The following ATP2B1 variants were observed in gnomAD, a reference collection of about 807,000 sequenced individuals.
ATP2B1 encodes ATPase plasma membrane Ca2+ transporting 1, also known as plasma membrane calcium-transporting ATPase 1.
ATP2B1 carries 14 observed loss-of-function variants against 124.2 expected under a neutral mutation model. The ratio of observed to expected loss-of-function variants is 0.11; its 90% CI spans 0.07 to 0.18. The LOEUF is 0.18. ATP2B1 is among the 10% of genes least tolerant of loss of function. ATP2B1 has a pLI of 1.00. For missense variants in ATP2B1, 763 were observed against 1,466.1 expected, an observed-to-expected ratio of 0.52 and a Z score of 7.83; for synonymous variants, 449 against 492.4, an observed-to-expected ratio of 0.91 and a Z score of 1.17.
intron 5 of ATP2B1, 99 bp from the exon 6 acceptor site, chr12:89,630,744 C>T: frequency 2.4e-6 from 1 of 420,952 alleles, no homozygotes. Context: ...ACAGCCTCAA[C>T]ATTTAGGAAA....
chr12:89,697,982 C>T (rs1403290604), intron 1 of ATP2B1, among the ~76,000 whole-genome samples: 1 of 152,064 alleles, frequency 6.6e-6, no homozygotes, highest in Non-Finnish European at 1.5e-5. Flanking sequence ...AAACAATTCT[C>T]CTGCCTCAGC....
At chr12:89,602,708 T>G (rs1565804084) in intron 18 of ATP2B1, among the ~76,000 whole-genome samples, 1 of 152,134 alleles carries the variant, frequency 6.6e-6, no homozygotes, top group Non-Finnish European at 1.5e-5. Context: ...AACCTGATCT[T>G]TTTTTTGGTA....
chr12:89,687,335 GCAATA>G (rs2136691815), intron 1 of ATP2B1, among the ~76,000 whole-genome samples: 1 of 152,224 alleles, frequency 6.6e-6, no homozygotes, highest in Admixed American at 6.5e-5. Flanking sequence ...CAGCCTAGAA[GCAATA>G]GGCTATGCCA....
chr12:89,655,611 C>G, intron 2 of ATP2B1, 68 bp downstream of exon 2: 1 of 1,438,980 alleles, frequency 6.9e-7, no homozygotes, highest in Non-Finnish European at 9.7e-7. Flanking sequence ...TATAAGCATG[C>G]TCATTTATAA....
At chr12:89,665,552 A>T (rs913693164) in intron 1 of ATP2B1, among the ~76,000 whole-genome samples, 1 of 152,212 alleles carries the variant, frequency 6.6e-6, no homozygotes, top group Non-Finnish European at 1.5e-5. Flanking sequence ...AAATAAAGTT[A>T]ATTTTATATA....
At position 89,656,116 on chromosome 12, in the gene ATP2B1, A is replaced by C. The variant is rs1332932677; in HGVS notation, c.-221-9T>G. ...TCATGAGATATACACATCTGTAAGA[A>C]GAAAATATTTAAAAGTTAATAAAAT... On this transcript the variant is annotated splice_polypyrimidine_tract_variant and intron_variant, in intron 1 of 20. Coordinates refer to ENST00000428670, the MANE Select transcript of ATP2B1 (RefSeq NM_001366521.1). 23 of 437,960 alleles carry C rather than the reference A, an allele frequency of 5.3e-5. No homozygotes were observed. The highest frequency in any genetic ancestry group is 3.8e-5 in the Admixed American group (1 of 26,084). The allele number at this position is 437,960 out of a possible 1,614,324, so 27.1% of individuals were successfully genotyped here. A position where few individuals can be genotyped will look rare whatever the true frequency, so the allele number is the denominator to read the frequency against.
At position 89,610,459 on chromosome 12, in the gene ATP2B1, G is replaced by C. The variant is rs1877787233; in HGVS notation, c.2297C>G (p.Ala766Gly). 3 of 1,613,800 alleles carry C rather than the reference G, an allele frequency of 1.9e-6. No homozygotes were observed. Among genetic ancestry groups the C allele is most frequent in the Non-Finnish European group, 2.5e-6 (3 of 1,179,762 alleles). Reference sequence around the variant, plus strand: ...ATGCTTATCAGTAGGAGATGATCTTGCAAGTACTCGAAGTTTTGGCCAAAT... The same window carrying C: ...ATGCTTATCAGTAGGAGATGATCTTCCAAGTACTCGAAGTTTTGGCCAAAT... Reference protein sequence around the residue: ...DKIWPKLRVLARSSPTDKHTL... With the variant: ...DKIWPKLRVLGRSSPTDKHTL... The change falls in exon 14 of 21, where the codon GCA becomes GGA. Residue 766 changes from alanine (A) to glycine (G), a missense_variant. Ala to Gly is a moderately conservative substitution (Grantham distance 60). Around this residue, in one of 7 missense-constraint regions of ATP2B1, gnomAD observed 51 missense variants for 192.8 expected, o/e 0.26. Transcript: ENST00000428670.
At chr12:89,648,821 C>T (rs571280133) in intron 2 of ATP2B1, among the ~76,000 whole-genome samples, 2 of 152,248 alleles carry the variant, frequency 1.3e-5, no homozygotes, top group Non-Finnish European at 2.9e-5. Context: ...GCCCAGGGTG[C>T]AGCTGTCCTG....
chr12:89,619,312 T>G (rs2681492), intron 11 of ATP2B1, among the ~76,000 whole-genome samples: 2 of 151,988 alleles, frequency 1.3e-5, no homozygotes, highest in South Asian at 2.1e-4. Flanking sequence ...ACAATGAGCG[T>G]TGAAGATCTA....
chr12:89,616,049 C>T (rs1878899682), intron 12 of ATP2B1, among the ~76,000 whole-genome samples: 1 of 152,088 alleles, frequency 6.6e-6, no homozygotes, highest in African/African-American at 2.4e-5. Flanking sequence ...GTTCTCTGCT[C>T]ATATAACATG....
In ATP2B1 at chr12:89,591,099, G is replaced by C; in HGVS notation, c.3548C>G (p.Pro1183Arg). 7 of 1,613,142 alleles carry C rather than the reference G, an allele frequency of 4.3e-6. No individual in the cohort carries two copies. Among genetic ancestry groups the C allele is most frequent in the Non-Finnish European group, 5.9e-6 (7 of 1,179,326 alleles). The change falls in exon 21 of 21, where the codon CCC becomes CGC. Residue 1183 changes from proline to arginine, a missense_variant. This residue lies in a region of ATP2B1 where 97 missense variants were observed against 94.7 expected (regional missense o/e 1.02). Coordinates refer to ENST00000428670, the MANE Select transcript of ATP2B1 (RefSeq NM_001366521.1). ...GTCAACAGCATTGTTATTTTTGTTG[G>C]GAGAGGGTGGAGGACTGGAGTTACG... is the stretch of plus-strand genomic sequence containing the variant. Reference protein sequence around the residue: ...TKRNSSPPPSPNKNNNAVDSG... With the variant: ...TKRNSSPPPSRNKNNNAVDSG...
chr12:89,626,571 T>C lies in ATP2B1; in HGVS notation c.1012A>G (p.Ser338Gly). The C allele has an allele frequency of 6.2e-7, 1 of 1,612,926 alleles. No homozygotes were observed. Among genetic ancestry groups the C allele is most frequent in the Non-Finnish European group, 8.5e-7 (1 of 1,179,718 alleles). ...TCATCACCATCTCCACCTTCTTCAC[T>C]CTTCAATGGCTGCATTTCCATGGCT... ...GAAMEMQPLK[S>G]EEGGDGDEKD... Residue 338 changes from serine (S) to glycine (G), a missense_variant, in exon 8 of 21, where the codon AGT (serine) becomes GGT (glycine). By Grantham distance (56) the Ser-to-Gly change is moderately conservative. Around this residue, in one of 7 missense-constraint regions of ATP2B1, gnomAD observed 392 missense variants for 776.6 expected, o/e 0.50. Transcript: ENST00000428670.
intron 1 of ATP2B1, among the ~76,000 whole-genome samples, chr12:89,689,843 C>G (rs1381556461): frequency 6.6e-6 from 1 of 152,042 alleles, no homozygotes; most frequent in East Asian, 1.9e-4. Flanking sequence ...TTCTGAATAT[C>G]AAAAGTTTAG....
intron 3 of ATP2B1, among the ~76,000 whole-genome samples, chr12:89,641,431 A>G (rs768020021): frequency 7.2e-5 from 11 of 152,222 alleles, no homozygotes; most frequent in African/African-American, 1.9e-4. Context: ...ATAAAATCAG[A>G]TATCTTGGGG....
At position 89,588,395 on chromosome 12, in the gene ATP2B1, TGAG is replaced by T. The variant is rs767033371; in HGVS notation, c.*2586_*2588del. Reference sequence around the variant, plus strand: ...TTTACAACCACAAAAAAGGCAATGATGAGGAGAAAAGGATTTTTAAAAAATATA... The same window carrying T: ...TTTACAACCACAAAAAAGGCAATGATGAGAAAAGGATTTTTAAAAAATATA... On this transcript the variant is annotated 3_prime_UTR_variant, in exon 21 of 21. Transcript: ENST00000428670. 11 of 152,516 alleles carry T rather than the reference TGAG, an allele frequency of 7.2e-5. No homozygotes were observed. The highest frequency in any genetic ancestry group is 2.7e-4 in the African/African-American group (11 of 41,420). The allele number at this position is 152,516 out of a possible 1,614,324, so 9.4% of individuals were successfully genotyped here.
At chr12:89,650,185 T>C (rs1242169190) in intron 2 of ATP2B1, among the ~76,000 whole-genome samples, 4 of 152,182 alleles carry the variant, frequency 2.6e-5, no homozygotes, top group Non-Finnish European at 5.9e-5. Context: ...CAAACTGACT[T>C]TTCTAAGTGA....
intron 9 of ATP2B1, among the ~76,000 whole-genome samples, chr12:89,621,992 G>C (rs933749947): frequency 1.3e-5 from 2 of 151,376 alleles, no homozygotes; most frequent in African/African-American, 4.9e-5. Flanking sequence ...CACAGTACCA[G>C]AGCTTTCTGG....
At chr12:89,700,916 A>G (rs1891768386) in intron 1 of ATP2B1, among the ~76,000 whole-genome samples, 2 of 152,230 alleles carry the variant, frequency 1.3e-5, no homozygotes, top group Admixed American at 1.3e-4. Flanking sequence ...TTTCTGGAGA[A>G]CAACTCTTAT....
intron 1 of ATP2B1, among the ~76,000 whole-genome samples, chr12:89,688,181 G>C (rs1006479270): frequency 6.6e-6 from 1 of 152,006 alleles, no homozygotes; most frequent in Non-Finnish European, 1.5e-5. Flanking sequence ...TTCAGCCAAG[G>C]TCAGATTTTT....
Sources: gnomAD v4.1 joint callset for allele counts (sites outside exome capture counted in the v4.1 genomes callset) on GRCh38, gnomAD v4.1.1 for gene constraint, gnomAD v4.1.1 regional missense constraint, MANE v1.5 for transcripts, NCBI Gene and HGNC (gene_info 2026-07-23, HGNC 2026-07-21) for gene names.